Variants in NOL4 observed in about 807,000 individuals in gnomAD.
NOL4 encodes the protein cancer/testis antigen 125.
A neutral mutation model predicts 75.9 loss-of-function variants in NOL4; 17 were observed. That is an observed-to-expected ratio of 0.22 (90% CI 0.15 to 0.34). The LOEUF (loss-of-function observed/expected upper bound fraction) is 0.34. NOL4 is among the 10% of genes least tolerant of loss of function. The pLI is 1.00. For synonymous variants in NOL4, 292 were observed against 289.9 expected (o/e 1.01, Z -0.07); for missense variants, 614 against 793.5 (o/e 0.77, Z 2.72).
intron 9 of NOL4, among the ~76,000 whole-genome samples, chr18:33,887,225 A>C (rs1037740008): frequency 6.7e-6 from 1 of 149,738 alleles, no homozygotes; most frequent in Non-Finnish European, 1.5e-5. Context: ...TTAAAAAATA[A>C]ATCACAGAAA....
intron 9 of NOL4, among the ~76,000 whole-genome samples, chr18:33,938,113 T>C (rs1270447360): frequency 6.6e-6 from 1 of 152,046 alleles, no homozygotes; most frequent in East Asian, 1.9e-4. Flanking sequence ...GCATTAGTTT[T>C]ATCTAATATA....
intron 6 of NOL4, among the ~76,000 whole-genome samples, chr18:33,984,023 T>C (rs1361450958): frequency 6.6e-6 from 1 of 152,116 alleles, no homozygotes; most frequent in African/African-American, 2.4e-5. Flanking sequence ...CATTTGGGTT[T>C]CAACCAAGAT....
intron 5 of NOL4, among the ~76,000 whole-genome samples, chr18:34,032,759 T>C (rs1378247341): frequency 2.0e-5 from 3 of 152,006 alleles, no homozygotes; most frequent in Admixed American, 2.0e-4. Context: ...AAGAATAGGT[T>C]TACCTGAACC....
intron 1 of NOL4, among the ~76,000 whole-genome samples, chr18:34,145,085 T>C (rs1042414514): frequency 1.4e-4 from 22 of 152,256 alleles, no homozygotes; most frequent in African/African-American, 4.6e-4. Context: ...AACACTGTTA[T>C]ATTGCTCAAT....
At chr18:34,015,287 T>C (rs1319532665) in intron 6 of NOL4, among the ~76,000 whole-genome samples, 1 of 152,042 alleles carries the variant, frequency 6.6e-6, no homozygotes, top group African/African-American at 2.4e-5. Context: ...TATCTCAGCC[T>C]CTATAACTGT....
At chr18:33,954,633 TGAA>T (rs887467392) in intron 8 of NOL4, among the ~76,000 whole-genome samples, 1 of 152,086 alleles carries the variant, frequency 6.6e-6, no homozygotes, top group Non-Finnish European at 1.5e-5. Context: ...AGCAATGCTC[TGAA>T]GAAGGTAGAA....
intron 1 of NOL4, among the ~76,000 whole-genome samples, chr18:34,219,557 A>C (rs1287460539): frequency 6.6e-6 from 1 of 152,234 alleles, no homozygotes; most frequent in Non-Finnish European, 1.5e-5. Context: ...AACAAACTAC[A>C]CTGGAACTAC....
chr18:34,154,299 T>A (rs939213132), intron 1 of NOL4, among the ~76,000 whole-genome samples: 1 of 152,026 alleles, frequency 6.6e-6, no homozygotes, highest in African/African-American at 2.4e-5. Context: ...GTTTAATGAA[T>A]GTACACATTA....
chr18:33,951,856 G>T (rs1392676255), intron 8 of NOL4, among the ~76,000 whole-genome samples: 1 of 152,028 alleles, frequency 6.6e-6, no homozygotes, highest in Non-Finnish European at 1.5e-5. Context: ...CCTTTCTTGG[G>T]CCCAGCTTTA....
intron 6 of NOL4, among the ~76,000 whole-genome samples, chr18:33,965,008 A>G (rs986784672): frequency 1.3e-5 from 2 of 152,170 alleles, no homozygotes; most frequent in African/African-American, 4.8e-5. Flanking sequence ...ATTTTTTGAG[A>G]AAAGTAAAAA....
chr18:33,952,796 T>C (rs1387685751), intron 8 of NOL4, among the ~76,000 whole-genome samples: 1 of 152,088 alleles, frequency 6.6e-6, no homozygotes, highest in Non-Finnish European at 1.5e-5. Flanking sequence ...TTTTGGTGCA[T>C]GCCTGTTATC....
chr18:34,052,674 T>C (rs958184624), intron 5 of NOL4, among the ~76,000 whole-genome samples: 30 of 152,076 alleles, frequency 2.0e-4, no homozygotes, highest in African/African-American at 7.2e-4. Context: ...TAGAAGCTCA[T>C]GGTCTAGTAT....
At chr18:34,170,839 T>G (rs2032962137) in intron 1 of NOL4, among the ~76,000 whole-genome samples, 1 of 152,212 alleles carries the variant, frequency 6.6e-6, no homozygotes. Flanking sequence ...TGCTTCAAGC[T>G]TATTACAATT....
Position 34,191,225 on chromosome 18 carries a change from G to A in NOL4, c.264+31765C>T, listed in dbSNP as rs576842841. 5.3e-5 allele frequency among the ~76,000 whole-genome samples: 8 copies of A among 151,962 alleles called. 1 individual carries two copies. The highest frequency in any genetic ancestry group is 2.1e-4 in the South Asian group (1 of 4,798). ...CTTCCTAATTTTAGAATATATTATCGGTTGAAAATACTATTAAGTCTCACT... is the reference window on the plus strand; with the variant it reads ...CTTCCTAATTTTAGAATATATTATCAGTTGAAAATACTATTAAGTCTCACT... On this transcript the variant is annotated intron_variant, in intron 1 of 10. Coordinates refer to ENST00000261592, the MANE Select transcript of NOL4 (RefSeq NM_003787.5).
intron 5 of NOL4, among the ~76,000 whole-genome samples, chr18:34,079,567 C>T (rs955137998): frequency 2.0e-5 from 3 of 151,990 alleles, no homozygotes; most frequent in African/African-American, 4.8e-5. Context: ...ACACTTGCTC[C>T]GATCTTGTAC....
intron 2 of NOL4, among the ~76,000 whole-genome samples, chr18:34,113,450 C>A (rs965747004): frequency 2.0e-5 from 3 of 152,058 alleles, no homozygotes; most frequent in African/African-American, 7.2e-5. Flanking sequence ...GACAACCCAG[C>A]CAACATAGAT....
intron 9 of NOL4, among the ~76,000 whole-genome samples, chr18:33,893,983 C>CATGCT (rs989578999): frequency 2.0e-5 from 3 of 152,110 alleles, no homozygotes; most frequent in Non-Finnish European, 4.4e-5. Flanking sequence ...CCTGCCCTTA[C>CATGCT]ATGCTCTTTG....
chr18:33,907,093 G>A (rs2066096735), intron 9 of NOL4, among the ~76,000 whole-genome samples: 1 of 152,078 alleles, frequency 6.6e-6, no homozygotes, highest in Non-Finnish European at 1.5e-5. Context: ...GGAGGCCGAG[G>A]CAGGTGGATC....
At chr18:34,168,373 G>A (rs1220183776) in intron 1 of NOL4, among the ~76,000 whole-genome samples, 1 of 151,240 alleles carries the variant, frequency 6.6e-6, no homozygotes, top group African/African-American at 2.4e-5. Flanking sequence ...ATTTTTTTTA[G>A]CCAGAAAATT....
Sources: gnomAD v4.1 joint callset for allele counts (sites outside exome capture counted in the v4.1 genomes callset) on GRCh38, gnomAD v4.1.1 for gene constraint, MANE v1.5 for transcripts, NCBI Gene and HGNC (gene_info 2026-07-23, HGNC 2026-07-21) for gene names.